Variants in GRID2 observed in about 807,000 individuals in gnomAD.
GRID2 encodes the protein glutamate ionotropic receptor delta type subunit 2.
A neutral mutation model predicts 114.8 loss-of-function variants in GRID2; 33 were observed. The ratio of observed to expected loss-of-function variants is 0.29; its 90% CI spans 0.22 to 0.38. The LOEUF (loss-of-function observed/expected upper bound fraction) is 0.38, where lower values mean the gene tolerates loss of function less well. GRID2 is among the 10% of genes least tolerant of loss of function. The probability of loss-of-function intolerance (pLI) is 1.00; values close to 1 mark genes in which losing one functional copy is unlikely to be tolerated. For missense variants in GRID2, 1,184 were observed against 1,257.7 expected (o/e 0.94, Z 0.89); for synonymous variants, 505 against 449.9 (o/e 1.12, Z -1.55).
At chr4:93,031,039 T>C (rs914117144) in intron 2 of GRID2, among the ~76,000 whole-genome samples, 2 of 145,612 alleles carry the variant, frequency 1.4e-5, no homozygotes, top group Non-Finnish European at 3.0e-5. Flanking sequence ...TCCATTTTTT[T>C]TTTTTTTTTT....
intron 2 of GRID2, among the ~76,000 whole-genome samples, chr4:92,636,001 G>A (rs1242288729): frequency 6.6e-6 from 1 of 152,028 alleles, no homozygotes; most frequent in African/African-American, 2.4e-5. Flanking sequence ...TTAAAAATTG[G>A]TGCCTGATAA....
At position 93,790,499 on chromosome 4, in the gene GRID2, C is replaced by T. The variant is rs531025136; in HGVS notation, c.222-16216C>T. On this transcript the variant is annotated intron_variant, in intron 1 of 1. Coordinates refer to the GRID2 transcript ENST00000637838. The stretch of plus-strand genomic sequence containing the variant: ...ATTCCAAAGGAAGGGAAAAGGTATA[C>T]CTAATGGTTGCTTCTTTAGGTTAGC... 2.0e-5 allele frequency among the ~76,000 whole-genome samples: 3 copies of T among 151,776 alleles called. No individual in the cohort carries two copies. The South Asian group carries it at 6.2e-4, about 32-fold the overall frequency.
intron 2 of GRID2, among the ~76,000 whole-genome samples, chr4:92,645,493 C>T (rs1230629870): frequency 6.6e-6 from 1 of 151,744 alleles, no homozygotes; most frequent in Non-Finnish European, 1.5e-5. Context: ...CTTAACAGTA[C>T]TTTATTCATA....
intron 2 of GRID2, among the ~76,000 whole-genome samples, chr4:92,956,877 G>T (rs1051014867): frequency 1.3e-5 from 2 of 152,080 alleles, no homozygotes; most frequent in African/African-American, 4.8e-5. Flanking sequence ...TCTAATTGTT[G>T]TTTTAATTTT....
intron 1 of GRID2, among the ~76,000 whole-genome samples, chr4:92,544,283 C>A (rs553576919): frequency 6.6e-6 from 1 of 152,054 alleles, no homozygotes; most frequent in Admixed American, 6.6e-5. Flanking sequence ...ACTGATGAAC[C>A]ACTGAACTTT....
chr4:92,801,529 A>G (rs2149372453), intron 2 of GRID2, among the ~76,000 whole-genome samples: 1 of 152,058 alleles, frequency 6.6e-6, no homozygotes, highest in East Asian at 1.9e-4. Context: ...AACCTGTATT[A>G]TAGCATATAG....
chr4:92,794,992 A>G (rs1343748061), intron 2 of GRID2, among the ~76,000 whole-genome samples: 4 of 150,894 alleles, frequency 2.7e-5, no homozygotes, highest in African/African-American at 9.7e-5. Flanking sequence ...ATCATAAGGA[A>G]GAGAAAATAT....
chr4:92,558,520 C>T (rs1041755501), intron 1 of GRID2, among the ~76,000 whole-genome samples: 2 of 152,136 alleles, frequency 1.3e-5, no homozygotes, highest in African/African-American at 4.8e-5. Context: ...ATTCACTCTA[C>T]CGTCCATTCT....
intron 2 of GRID2, among the ~76,000 whole-genome samples, chr4:92,704,505 C>A (rs1278917556): frequency 6.6e-6 from 1 of 152,144 alleles, no homozygotes; most frequent in Non-Finnish European, 1.5e-5. Context: ...CCATTGACTG[C>A]ATACTCAAGT....
At chr4:92,320,001 G>A (rs1726227220) in intron 1 of GRID2, among the ~76,000 whole-genome samples, 3 of 152,296 alleles carry the variant, frequency 2.0e-5, no homozygotes, top group African/African-American at 4.8e-5. Flanking sequence ...TTGCTTAGGA[G>A]AGAGGTGAGA....
At chr4:93,011,373 ATATCACC>A (rs1216261770) in intron 2 of GRID2, among the ~76,000 whole-genome samples, 13 of 152,024 alleles carry the variant, frequency 8.6e-5, no homozygotes, top group African/African-American at 3.1e-4. Flanking sequence ...CTGATTCATT[ATATCACC>A]TGCCAGTAGT....
At chr4:92,887,758 G>A (rs1746476816) in intron 2 of GRID2, among the ~76,000 whole-genome samples, 1 of 152,168 alleles carries the variant, frequency 6.6e-6, no homozygotes, top group Admixed American at 6.6e-5. Flanking sequence ...GGCAAAATAT[G>A]TTCAAAGTGC....
chr4:93,444,245 A>G (rs868176885), intron 10 of GRID2, among the ~76,000 whole-genome samples: 3 of 151,990 alleles, frequency 2.0e-5, no homozygotes, highest in Non-Finnish European at 4.4e-5. Flanking sequence ...ATCAGGCTGG[A>G]AGATAAAAGC....
rs1021880603 is a variant in GRID2 at position 92,474,976 on chromosome 4, G to C, written c.89-115155G>C. On this transcript the variant is annotated intron_variant, in intron 1 of 15. Coordinates refer to ENST00000282020, the MANE Select transcript of GRID2 (RefSeq NM_001510.4). ...ATTGTTTTAATTTTTTTGGGGGGGG[G>C]GTGGAGGGGGGAGGGATAGCATTAG... 9.5e-5 allele frequency among the ~76,000 whole-genome samples: 12 copies of C among 125,778 alleles called. 1 individual carries two copies. In the East Asian group the frequency reaches 2.4e-3, roughly 25 times the overall value. The allele number at this position is 125,778 out of a possible 152,430, so 82.5% of individuals were successfully genotyped here. A position where few individuals can be genotyped will look rare whatever the true frequency, so the allele number is the denominator to read the frequency against.
intron 2 of GRID2, among the ~76,000 whole-genome samples, chr4:92,712,132 T>TAA (rs33998531): frequency 0.26 from 39,846 of 151,904 alleles, 5,412 homozygotes; most frequent in East Asian, 0.42. Context: ...ATAAAGTATA[T>TAA]AAGAGTTTCT....
intron 14 of GRID2, among the ~76,000 whole-genome samples, chr4:93,736,722 T>A (rs1460293063): frequency 6.6e-6 from 1 of 151,996 alleles, no homozygotes; most frequent in East Asian, 1.9e-4. Context: ...CATTATTATT[T>A]TAGAAGGAAT....
At chr4:93,217,337 G>C (rs1482105024) in intron 6 of GRID2, 1 of 154,820 alleles carries the variant, frequency 6.5e-6, no homozygotes, top group East Asian at 1.9e-4. Context: ...AAAAAAATTA[G>C]ATATGAAAAA....
At chr4:92,479,760 T>TA (rs768567991) in intron 1 of GRID2, among the ~76,000 whole-genome samples, 21 of 152,156 alleles carry the variant, frequency 1.4e-4, no homozygotes, top group African/African-American at 1.9e-4. Flanking sequence ...ATAAGTAATA[T>TA]AAATTAATTC....
At chr4:92,407,394 T>C (rs934273799) in intron 1 of GRID2, among the ~76,000 whole-genome samples, 1 of 152,170 alleles carries the variant, frequency 6.6e-6, no homozygotes, top group African/African-American at 2.4e-5. Context: ...AGTGAACATA[T>C]AGGTGCGTAG....
Sources: gnomAD v4.1 joint callset for allele counts (sites outside exome capture counted in the v4.1 genomes callset) on GRCh38, gnomAD v4.1.1 for gene constraint, MANE v1.5 for transcripts, NCBI Gene and HGNC (gene_info 2026-07-23, HGNC 2026-07-21) for gene names.